ADGRL2: variants seen among roughly 807,000 people sequenced by gnomAD.
ADGRL2 encodes adhesion G protein-coupled receptor L2.
In ADGRL2, 44 loss-of-function variants were observed where a neutral mutation model predicts 157.4. The ratio of observed to expected loss-of-function variants is 0.28; its 90% CI spans 0.22 to 0.36. The LOEUF is 0.36. Among genes scored for constraint, ADGRL2 ranks in the 10% least tolerant of loss-of-function variants. ADGRL2 has a pLI of 1.00. For missense variants in ADGRL2, 1,510 were observed against 1,768.9 expected (o/e 0.85, Z 2.63); for synonymous variants, 585 against 624.7 (o/e 0.94, Z 0.95).
intron 3 of ADGRL2, among the ~76,000 whole-genome samples, chr1:81,581,280 A>G: frequency 6.6e-6 from 1 of 152,332 alleles, no homozygotes; most frequent in Middle Eastern, 3.4e-3. Flanking sequence ...TATGTAAAGT[A>G]AAAACTACTA....
chr1:81,551,679 GA>G (rs1043264566), intron 2 of ADGRL2, among the ~76,000 whole-genome samples: 1 of 151,980 alleles, frequency 6.6e-6, no homozygotes, highest in African/African-American at 2.4e-5. Context: ...GGTCTGAGTT[GA>G]AAAAAATAGG....
intron 1 of ADGRL2, among the ~76,000 whole-genome samples, chr1:81,383,906 A>G (rs1004672805): frequency 1.3e-5 from 2 of 148,322 alleles, no homozygotes; most frequent in Non-Finnish European, 3.0e-5. Flanking sequence ...GTGAGCCGAG[A>G]TCACACCACT....
At chr1:81,529,943 G>A (rs1015213963) in intron 2 of ADGRL2, among the ~76,000 whole-genome samples, 2 of 152,154 alleles carry the variant, frequency 1.3e-5, no homozygotes, top group African/African-American at 4.8e-5. Flanking sequence ...ATTTGTTTTA[G>A]GGCAGGAGGA....
At chr1:81,449,683 C>T (rs551399445) in intron 2 of ADGRL2, among the ~76,000 whole-genome samples, 1 of 152,262 alleles carries the variant, frequency 6.6e-6, no homozygotes, top group Non-Finnish European at 1.5e-5. Context: ...GTCACTGCAG[C>T]CTTGACCTTC....
intron 1 of ADGRL2, among the ~76,000 whole-genome samples, chr1:81,422,080 C>G (rs984833259): frequency 4.6e-5 from 7 of 151,996 alleles, no homozygotes; most frequent in African/African-American, 1.7e-4. Context: ...CATTAATCAT[C>G]AAACAAATGA....
Position 81,422,233 on chromosome 1 carries a change from G to T in ADGRL2, c.-301-22803G>T, listed in dbSNP as rs528463286. Among the ~76,000 whole-genome samples the T allele has an allele frequency of 7.2e-5, 11 of 151,978 alleles. No individual in the cohort carries two copies. The South Asian group carries it at 2.3e-3, about 32-fold the overall frequency. ...ATATTATTTTAAGAGGTATAAAGATGCATTTTATCATACAAACAATTTTTT... is the reference window on the plus strand; with the variant it reads ...ATATTATTTTAAGAGGTATAAAGATTCATTTTATCATACAAACAATTTTTT... On this transcript the variant is annotated intron_variant, in intron 1 of 24. Coordinates refer to the ADGRL2 transcript ENST00000370721.
chr1:81,408,943 G>C (rs2076903795), intron 1 of ADGRL2, among the ~76,000 whole-genome samples: 2 of 152,200 alleles, frequency 1.3e-5, no homozygotes, highest in African/African-American at 4.8e-5. Flanking sequence ...GAAGAGATGT[G>C]TGGACTTAAA....
At chr1:81,833,002 C>G (rs2092055532) in intron 1 of ADGRL2, among the ~76,000 whole-genome samples, 1 of 152,092 alleles carries the variant, frequency 6.6e-6, no homozygotes, top group South Asian at 2.1e-4. Flanking sequence ...ATTTTCTGAG[C>G]CTTTGCACAG....
chr1:81,422,320 C>T (rs1219408485), intron 1 of ADGRL2, among the ~76,000 whole-genome samples: 1 of 152,200 alleles, frequency 6.6e-6, no homozygotes, highest in African/African-American at 2.4e-5. Flanking sequence ...TCTCAGCTCA[C>T]TGCAATCTCC....
At position 81,316,055 on chromosome 1, in the gene ADGRL2, C is replaced by T. The variant is rs185736799; in HGVS notation, c.-302+9546C>T. Among the ~76,000 whole-genome samples the T allele has an allele frequency of 1.5e-3, 223 of 151,878 alleles. 1 individual carries two copies. Among genetic ancestry groups the T allele is most frequent in the African/African-American group, 5.2e-3 (215 of 41,452 alleles). The stretch of plus-strand genomic sequence containing the variant: ...TGCCCTTGACTTAAAGGGAAATCTT[C>T]CTTTCTTCCCTTAGCTGTTTGTCTA... On this transcript the variant is annotated intron_variant, in intron 1 of 24. Transcript: ENST00000370721.
At chr1:81,626,029 C>T (rs2081901708) in intron 3 of ADGRL2, among the ~76,000 whole-genome samples, 1 of 152,134 alleles carries the variant, frequency 6.6e-6, no homozygotes, top group South Asian at 2.1e-4. Context: ...GACACAATAA[C>T]AATCCCAAGT....
chr1:81,501,833 C>CAGCAGCAGCAGCAGCAGCAGCAGCAG (rs1190015060), intron 2 of ADGRL2: 3 of 1,588,564 alleles, frequency 1.9e-6, no homozygotes, highest in African/African-American at 2.7e-5. Flanking sequence ...ACAGAAGCAG[C>CAGCAGCAGCAGCAGCAGCAGCAGCAG]CACACCTGGC....
intron 3 of ADGRL2, among the ~76,000 whole-genome samples, chr1:81,659,260 C>A (rs2082603362): frequency 6.6e-6 from 1 of 151,586 alleles, no homozygotes; most frequent in Non-Finnish European, 1.5e-5. Flanking sequence ...ACAGGTTTCA[C>A]TATGTTGGCC....
At chr1:81,671,913 A>G (rs1407800067) in intron 3 of ADGRL2, among the ~76,000 whole-genome samples, 1 of 152,246 alleles carries the variant, frequency 6.6e-6, no homozygotes, top group East Asian at 1.9e-4. Context: ...TCAGTTGTGT[A>G]TATGGATATG....
At chr1:81,697,559 A>G (rs1557574614), upstream of ADGRL2, among the ~76,000 whole-genome samples, 1 of 152,146 alleles carries the variant, frequency 6.6e-6, no homozygotes, top group African/African-American at 2.4e-5. Flanking sequence ...TGCCCTTGGT[A>G]TGATCATTGA....
intron 1 of ADGRL2, among the ~76,000 whole-genome samples, chr1:81,312,534 G>T (rs1396626634): frequency 6.6e-6 from 1 of 152,178 alleles, no homozygotes; most frequent in African/African-American, 2.4e-5. Context: ...AATATTCGGG[G>T]TAGGTAAAGG....
chr1:81,881,023 C>T (rs2093973456), intron 2 of ADGRL2, among the ~76,000 whole-genome samples: 1 of 152,026 alleles, frequency 6.6e-6, no homozygotes, highest in Admixed American at 6.6e-5. Context: ...ACTCATATTG[C>T]ATAATATAGG....
At chr1:81,325,167 A>T (rs2100655242) in intron 1 of ADGRL2, among the ~76,000 whole-genome samples, 1 of 152,346 alleles carries the variant, frequency 6.6e-6, no homozygotes, top group South Asian at 2.1e-4. Context: ...AGAAGAGCAG[A>T]TCCACAGCCA....
At chr1:81,692,831 C>A (rs530525680) in intron 3 of ADGRL2, among the ~76,000 whole-genome samples, 1 of 152,162 alleles carries the variant, frequency 6.6e-6, no homozygotes, top group South Asian at 2.1e-4. Flanking sequence ...CATAAAAACT[C>A]AGATATCTGA....
Sources: allele counts gnomAD v4.1 joint callset (sites outside exome capture counted in the v4.1 genomes callset), GRCh38; gene constraint gnomAD v4.1.1; transcripts MANE v1.5; gene names NCBI Gene and HGNC (gene_info 2026-07-23, HGNC 2026-07-21).